The following FAT3 variants were observed in gnomAD, a reference collection of about 807,000 sequenced individuals.
FAT3 encodes the protein FAT atypical cadherin 3, also known as protocadherin Fat 3.
Under a neutral mutation model 310.2 loss-of-function variants are expected in FAT3, and 95 were observed. The ratio of observed to expected loss-of-function variants is 0.31; its 90% CI spans 0.26 to 0.36. The LOEUF is 0.36. Ranked by LOEUF, FAT3 falls within the 10% of genes least tolerant of loss-of-function variation. The probability of loss-of-function intolerance (pLI) is 1.00; values close to 1 mark genes in which losing one functional copy is unlikely to be tolerated. For missense variants in FAT3, 5,408 were observed against 5,715.6 expected (o/e 0.95, Z 1.74); for synonymous variants, 2,314 against 2,192.9 (o/e 1.06, Z -1.54).
intron 3 of FAT3, among the ~76,000 whole-genome samples, chr11:92,535,887 C>T (rs534084005): frequency 5.3e-5 from 8 of 151,492 alleles, no homozygotes; most frequent in Admixed American, 1.3e-4. Flanking sequence ...CAGTGTGCTT[C>T]ATAAATCAGG....
chr11:92,497,061 G>A (rs866401585), intron 2 of FAT3, among the ~76,000 whole-genome samples: 3 of 152,134 alleles, frequency 2.0e-5, no homozygotes, highest in East Asian at 1.9e-4. Flanking sequence ...TAGGTGATGC[G>A]ATTCAGTAGC....
At chr11:92,712,201 T>A (rs1047191926) in intron 4 of FAT3, among the ~76,000 whole-genome samples, 15 of 152,008 alleles carry the variant, frequency 9.9e-5, no homozygotes, top group Admixed American at 9.8e-4. Context: ...GCAAAATCCC[T>A]TCAGATGATG....
At position 92,353,329 on chromosome 11, in the gene FAT3, A is replaced by T. The variant is rs749785684; in HGVS notation, c.1217A>T (p.Asp406Val). The T allele has an allele frequency of 1.2e-6, 2 of 1,613,646 alleles. No individual in the cohort carries two copies. The highest frequency in any genetic ancestry group is 2.2e-5 in the East Asian group (1 of 44,858). ...GTAAAATTAAGTCCTGAACCGATAGATGTGGAATACAAATTATCTCCTGGT... is the reference window on the plus strand; with the variant it reads ...GTAAAATTAAGTCCTGAACCGATAGTTGTGGAATACAAATTATCTCCTGGT... ...AIVKLSPEPI[D>V]VEYKLSPGED... Residue 406 changes from aspartate to valine, a missense_variant, in exon 2 of 28, where the codon GAT (aspartate) becomes GTT (valine). By Grantham distance (152) the Asp-to-Val change is radical (BLOSUM62 -3). This residue lies in a region of FAT3 where 4,588 missense variants were observed against 4,809.8 expected (regional missense o/e 0.95). Coordinates refer to ENST00000525166, the MANE Select transcript of FAT3 (RefSeq NM_001367949.2).
chr11:92,273,203 T>G (rs1403131888), intron 1 of FAT3, among the ~76,000 whole-genome samples: 1 of 152,158 alleles, frequency 6.6e-6, no homozygotes. Context: ...CATTATCTCA[T>G]GTATTTTATA....
chr11:92,785,883 G>C (rs1946879167), intron 7 of FAT3, among the ~76,000 whole-genome samples: 1 of 152,086 alleles, frequency 6.6e-6, no homozygotes, highest in Non-Finnish European at 1.5e-5. Flanking sequence ...AAAACCATGA[G>C]AAAGAAGAAA....
chr11:92,449,599 A>G (rs1951305144), intron 2 of FAT3, among the ~76,000 whole-genome samples: 1 of 152,174 alleles, frequency 6.6e-6, no homozygotes, highest in Non-Finnish European at 1.5e-5. Context: ...CATGAAAATC[A>G]GTGTAGGTTG....
In FAT3 at chr11:92,891,059, C is replaced by T. The variant is rs910649256; in HGVS notation, c.13716C>T (p.Ser4572=). 1.9e-6 allele frequency: 3 copies of T among 1,613,734 alleles called. No individual in the cohort carries two copies. Reference sequence around the variant, plus strand: ...ACTACGAGAGCGTGGGAGAGCTCAGCCTCGCCAGCCTTCACATTCCCTTTG... The same window carrying T: ...ACTACGAGAGCGTGGGAGAGCTCAGTCTCGCCAGCCTTCACATTCCCTTTG... The part of the protein sequence containing the change: ...MSDYESVGEL[S]LASLHIPFVE... The change falls in exon 28 of 28, where the codon AGC becomes AGT. Residue 4572 remains serine (S), a synonymous_variant. Coordinates refer to ENST00000525166, the MANE Select transcript of FAT3 (RefSeq NM_001367949.2).
At position 92,352,700 on chromosome 11, in the gene FAT3, C is replaced by T. The variant is rs1235302157; in HGVS notation, c.588C>T (p.Tyr196=). ...GTTCCAATGGAGAATTCTACTACTACTTTAAAAATAAAGTTGATCTCTTTT... is the reference window on the plus strand; with the variant it reads ...GTTCCAATGGAGAATTCTACTACTATTTTAAAAATAAAGTTGATCTCTTTT... ...DIGSNGEFYY[Y]FKNKVDLFSV... Residue 196 remains tyrosine, a synonymous_variant, in exon 2 of 28, where the codon TAC becomes TAT. Coordinates refer to ENST00000525166, the MANE Select transcript of FAT3 (RefSeq NM_001367949.2). 2 of 1,613,790 alleles carry T rather than the reference C, an allele frequency of 1.2e-6. No individual in the cohort carries two copies. Among genetic ancestry groups the T allele is most frequent in the Non-Finnish European group, 1.7e-6 (2 of 1,179,862 alleles).
At chr11:92,824,271 C>G (rs770479647) in intron 13 of FAT3, among the ~76,000 whole-genome samples, 2 of 152,016 alleles carry the variant, frequency 1.3e-5, no homozygotes, top group East Asian at 3.9e-4. Flanking sequence ...GCAGGAGAAA[C>G]GCTTGAACCC....
At position 92,360,265 on chromosome 11, in the gene FAT3, A is replaced by G. The variant is rs184578705; in HGVS notation, c.3292+4861A>G. Among the ~76,000 whole-genome samples, 674 of 152,348 alleles carry G rather than the reference A, an allele frequency of 4.4e-3. 9 individuals are homozygous for G. Among genetic ancestry groups the G allele is most frequent in the African/African-American group, 0.015 (638 of 41,592 alleles). ...GTGAACTCCCATTCACAATTGCTTC[A>G]AAGAGAATGTTCTTGACTTTCTTAG... On this transcript the variant is annotated intron_variant, in intron 2 of 27. Transcript: ENST00000525166.
At chr11:92,645,236 A>G (rs1320121219) in intron 3 of FAT3, among the ~76,000 whole-genome samples, 1 of 152,232 alleles carries the variant, frequency 6.6e-6, no homozygotes, top group East Asian at 1.9e-4. Context: ...GTAGAAGGCT[A>G]ATTAGATCCC....
At chr11:92,424,069 G>A (rs750398925) in intron 2 of FAT3, among the ~76,000 whole-genome samples, 1 of 151,882 alleles carries the variant, frequency 6.6e-6, no homozygotes, top group Non-Finnish European at 1.5e-5. Flanking sequence ...GTTTTGTTTT[G>A]TTTTGTTTTG....
chr11:92,523,414 C>G (rs1194901450), intron 2 of FAT3, among the ~76,000 whole-genome samples: 2 of 152,144 alleles, frequency 1.3e-5, no homozygotes, highest in Non-Finnish European at 2.9e-5. Flanking sequence ...GGTTATCACC[C>G]TTTAAATATT....
intron 27 of FAT3, among the ~76,000 whole-genome samples, 179 bp downstream of exon 27, chr11:92,890,070 G>C (rs1591863691): frequency 2.0e-5 from 3 of 152,286 alleles, no homozygotes; most frequent in African/African-American, 7.2e-5. Context: ...CTCATCCTCT[G>C]TGCGTGTGTT....
chr11:92,376,652 T>C (rs1949355198), intron 2 of FAT3, among the ~76,000 whole-genome samples: 1 of 152,208 alleles, frequency 6.6e-6, no homozygotes, highest in African/African-American at 2.4e-5. Context: ...AACCAGAAGC[T>C]GAATAAAGGT....
chr11:92,501,703 T>C (rs1048364827), intron 2 of FAT3, among the ~76,000 whole-genome samples: 1 of 152,036 alleles, frequency 6.6e-6, no homozygotes, highest in Non-Finnish European at 1.5e-5. Context: ...TTCTGTCAAC[T>C]CTTTATGATG....
intron 3 of FAT3, among the ~76,000 whole-genome samples, chr11:92,688,812 A>C (rs916195056): frequency 2.6e-5 from 4 of 152,204 alleles, no homozygotes; most frequent in African/African-American, 9.7e-5. Flanking sequence ...CCTCTCAAAA[A>C]AATGTAACCA....
chr11:92,272,677 T>G (rs976817330), intron 1 of FAT3, among the ~76,000 whole-genome samples: 1 of 151,764 alleles, frequency 6.6e-6, no homozygotes, highest in African/African-American at 2.4e-5. Flanking sequence ...AAGGAGAACA[T>G]GGGGTGTGGG....
intron 3 of FAT3, among the ~76,000 whole-genome samples, chr11:92,664,066 C>T (rs1368096053): frequency 6.6e-6 from 1 of 152,050 alleles, no homozygotes; most frequent in East Asian, 1.9e-4. Context: ...TTGTGTTTTC[C>T]AGGTGTATAT....
Sources: gnomAD v4.1 joint callset for allele counts (sites outside exome capture counted in the v4.1 genomes callset) on GRCh38, gnomAD v4.1.1 for gene constraint, gnomAD v4.1.1 regional missense constraint, MANE v1.5 for transcripts, NCBI Gene and HGNC (gene_info 2026-07-23, HGNC 2026-07-21) for gene names.